The following SYNJ2 variants were observed in gnomAD, a reference collection of about 807,000 sequenced individuals.
SYNJ2 encodes the protein polyphosphatidylinositol phosphatase SYNJ2.
SYNJ2 carries 116 observed loss-of-function variants against 141.3 expected under a neutral mutation model. That is an observed-to-expected ratio of 0.82 (90% CI 0.71 to 0.96). SYNJ2 has a LOEUF of 0.96. SYNJ2 is among the 40% of genes least tolerant of loss of function. SYNJ2 has a pLI of 0.00. For synonymous variants in SYNJ2, 745 were observed against 777.7 expected, an observed-to-expected ratio of 0.96 and a Z score of 0.70; for missense variants, 1,873 against 1,934.8, an observed-to-expected ratio of 0.97 and a Z score of 0.60.
intron 5 of SYNJ2, 81 bp from the exon 6 acceptor site, chr6:158,054,886 A>C: frequency 6.8e-6 from 10 of 1,471,436 alleles, no homozygotes; most frequent in Non-Finnish European, 1.9e-6. Flanking sequence ...GGCTGGGAGT[A>C]AGAAGGAGAA....
rs758468690 is a variant in SYNJ2 at position 158,074,659 on chromosome 6, T to C, written c.2213T>C (p.Val738Ala). 4.3e-6 allele frequency: 7 copies of C among 1,613,994 alleles called. No individual in the cohort carries two copies. The highest frequency in any genetic ancestry group is 1.3e-5 in the African/African-American group (1 of 74,920). ...CGCATTGATCTTACTTATGAAGAAG[T>C]CTTCTATTTTGTTAAACGCCAAGAC... The part of the protein sequence containing the change: ...NYRIDLTYEE[V>A]FYFVKRQDWK... Residue 738 changes from valine to alanine, a missense_variant, in exon 16 of 27, where the codon GTC (valine) becomes GCC (alanine). Transcript: ENST00000355585.
intron 1 of SYNJ2, among the ~76,000 whole-genome samples, chr6:158,009,456 C>T (rs141631049): frequency 6.6e-6 from 1 of 152,272 alleles, no homozygotes; most frequent in East Asian, 1.9e-4. Flanking sequence ...TGGAAGGGTG[C>T]CAGCCACAGA....
chr6:158,095,857 T>G lies in SYNJ2; in HGVS notation c.3984T>G (p.Leu1328=). The change falls in exon 27 of 27, where the codon CTT becomes CTG. Residue 1328 remains leucine, a synonymous_variant. Transcript: ENST00000355585. The part of the protein sequence containing the change: ...SVPPPLEAPP[L]VPKVPPRRKK... Reference sequence around the variant, plus strand: ...CACCACCTCTGGAGGCGCCGCCTCTTGTGCCCAAGGTACCCCCGAGGAGGA... The same window carrying G: ...CACCACCTCTGGAGGCGCCGCCTCTGGTGCCCAAGGTACCCCCGAGGAGGA... The G allele has an allele frequency of 6.2e-7, 1 of 1,614,124 alleles. No homozygotes were observed. The highest frequency in any genetic ancestry group is 1.1e-5 in the South Asian group (1 of 91,078).
At position 158,084,102 on chromosome 6, in the gene SYNJ2, G is replaced by A. The variant is rs61756208; in HGVS notation, c.3136G>A (p.Gly1046Ser). The stretch of plus-strand genomic sequence containing the variant: ...GGGAGACGACCTCTCTGATGTCCCC[G>A]GCCCCACAGCACTGGCTCCTCCCAG... ...LGGDDLSDVP[G>S]PTALAPPSKS... is the part of the protein sequence containing the mutation. The change falls in exon 22 of 27, where the codon GGC becomes AGC. Residue 1046 changes from glycine to serine, a missense_variant. Physicochemically the swap from Gly to Ser is moderately conservative, Grantham distance 56. Transcript: ENST00000355585. The surrounding 1 kb of genome is among the most constrained non-coding windows in gnomAD (Gnocchi z 5.0). The A allele has an allele frequency of 2.3e-5, 37 of 1,613,986 alleles. No individual in the cohort carries two copies. Among genetic ancestry groups the A allele is most frequent in the Non-Finnish European group, 3.0e-5 (35 of 1,180,008 alleles).
intron 5 of SYNJ2, among the ~76,000 whole-genome samples, chr6:158,053,997 T>C (rs116980484): frequency 0.018 from 2,472 of 138,954 alleles, 28 homozygotes; most frequent in Non-Finnish European, 0.027. Flanking sequence ...CATTCACCCA[T>C]CCATCTATCC....
intron 3 of SYNJ2, among the ~76,000 whole-genome samples, chr6:158,031,116 C>G (rs779423611): frequency 9.9e-5 from 15 of 152,134 alleles, no homozygotes; most frequent in Admixed American, 5.2e-4. Flanking sequence ...GCATGTGCCC[C>G]GCGAGCTGTT....
rs973738610 is a variant in SYNJ2 at position 158,098,839 on chromosome 6, G to A, written c.*2475G>A. 6.6e-6 allele frequency: 1 copy of A among 152,172 alleles called. No individual in the cohort carries two copies. Among genetic ancestry groups the A allele is most frequent in the African/African-American group, 2.4e-5 (1 of 41,438 alleles). The allele number at this position is 152,172 out of a possible 1,614,324, so 9.4% of individuals were successfully genotyped here. A position where few individuals can be genotyped will look rare whatever the true frequency, so the allele number is the denominator to read the frequency against. On this transcript the variant is annotated 3_prime_UTR_variant, in exon 27 of 27. Coordinates refer to ENST00000355585, the MANE Select transcript of SYNJ2 (RefSeq NM_003898.4). ...CATTGTCTCTCTGACCCCAAGCCTA[G>A]TCCCTTTTACATCACCATCTTCTCA...
chr6:157,981,766 C>T, upstream of SYNJ2: 1 of 423,588 alleles, frequency 2.4e-6, no homozygotes, highest in East Asian at 4.3e-5. This position sits in a 1 kb window ranked among gnomAD's most constrained non-coding sequence, Gnocchi z 6.4. Flanking sequence ...GCGGCGCGCC[C>T]TCACCTGCCC....
intron 1 of SYNJ2, among the ~76,000 whole-genome samples, chr6:157,986,338 C>G (rs568260683): frequency 6.6e-6 from 1 of 152,092 alleles, no homozygotes; most frequent in African/African-American, 2.4e-5. Flanking sequence ...GCTTCTCCCG[C>G]GGGTTTTGTT....
chr6:157,999,881 G>A (rs561752112), intron 1 of SYNJ2, among the ~76,000 whole-genome samples: 26 of 152,230 alleles, frequency 1.7e-4, no homozygotes, highest in African/African-American at 5.1e-4. Flanking sequence ...GTGCAGCTCC[G>A]GTTAGTGGAT....
chr6:158,006,636 T>TATTGC (rs1157863889), intron 1 of SYNJ2, among the ~76,000 whole-genome samples: 2 of 152,212 alleles, frequency 1.3e-5, no homozygotes, highest in Non-Finnish European at 2.9e-5. Flanking sequence ...TATTTTATTT[T>TATTGC]ATTGCTGGGA....
intron 5 of SYNJ2, 57 bp from the exon 6 acceptor site, chr6:158,054,910 G>T: frequency 1.3e-6 from 2 of 1,582,694 alleles, no homozygotes; most frequent in African/African-American, 1.3e-5. Context: ...GAAAAACCAT[G>T]GCCTCCTTGG....
At position 158,084,256 on chromosome 6, in the gene SYNJ2, G is replaced by A; in HGVS notation, c.3208+82G>A. ...CTTTCCTTTTTCTCTTGGCGATTGGGCACTGTGTGATATCAAGTATGCAGG... is the reference window on the plus strand; with the variant it reads ...CTTTCCTTTTTCTCTTGGCGATTGGACACTGTGTGATATCAAGTATGCAGG... On this transcript the variant is annotated intron_variant, in intron 22 of 26. Coordinates refer to ENST00000355585, the MANE Select transcript of SYNJ2 (RefSeq NM_003898.4). This position sits in a 1 kb window ranked among gnomAD's most constrained non-coding sequence, Gnocchi z 5.0. The A allele has an allele frequency of 6.8e-7, 1 of 1,469,670 alleles. No individual in the cohort carries two copies. The highest frequency in any genetic ancestry group is 1.3e-5 in the South Asian group (1 of 79,350). 91.0% of individuals were successfully genotyped at this position (1,469,670 alleles called of 1,614,324 possible). A position where few individuals can be genotyped will look rare whatever the true frequency, so the allele number is the denominator to read the frequency against.
In SYNJ2 at chr6:158,064,676, G is replaced by A. The variant is rs1200310744; in HGVS notation, c.1285G>A (p.Ala429Thr). The change falls in exon 10 of 27, where the codon GCC becomes ACC. Residue 429 changes from alanine to threonine, a missense_variant. By Grantham distance (58) the Ala-to-Thr change is moderately conservative (BLOSUM62 0). Coordinates refer to ENST00000355585, the MANE Select transcript of SYNJ2 (RefSeq NM_003898.4). ...TGACCGCTTTGTGGAGTCCTTCAAA[G>A]CCATGTGGTCTCTGAATGGCCACAG... ...IVDRFVESFK[A>T]MWSLNGHSLS... The A allele has an allele frequency of 6.2e-7, 1 of 1,614,116 alleles. No individual in the cohort carries two copies.
intron 1 of SYNJ2, among the ~76,000 whole-genome samples, chr6:157,991,445 G>C (rs1777420819): frequency 6.6e-6 from 1 of 152,172 alleles, no homozygotes; most frequent in South Asian, 2.1e-4. Flanking sequence ...TGAGTACCAG[G>C]ATCTCGCATC....
At chr6:158,090,447 TA>T (rs1562408555) in intron 25 of SYNJ2, among the ~76,000 whole-genome samples, 1 of 152,090 alleles carries the variant, frequency 6.6e-6, no homozygotes, top group African/African-American at 2.4e-5. Flanking sequence ...ACTTCATTCA[TA>T]ATCACTGGTA....
intron 18 of SYNJ2, chr6:158,079,015 A>C (rs1782506363): frequency 6.6e-6 from 1 of 152,184 alleles, no homozygotes; most frequent in South Asian, 2.1e-4. Flanking sequence ...GGCTGGTCCC[A>C]AACTCCTGAC....
At chr6:158,067,001 T>C (rs1781609923) in intron 12 of SYNJ2, among the ~76,000 whole-genome samples, 4 of 152,138 alleles carry the variant, frequency 2.6e-5, no homozygotes, top group Admixed American at 2.6e-4. Context: ...GTTTTGTTTT[T>C]GTTTTTTGTT....
intron 22 of SYNJ2, among the ~76,000 whole-genome samples, chr6:158,085,735 G>A (rs1341303885): frequency 6.6e-6 from 1 of 152,208 alleles, no homozygotes; most frequent in Non-Finnish European, 1.5e-5. Flanking sequence ...GTAGGAGTGG[G>A]GTGGGACCCT....
Sources: allele counts gnomAD v4.1 joint callset (sites outside exome capture counted in the v4.1 genomes callset), GRCh38; gene constraint gnomAD v4.1.1; non-coding constraint Gnocchi (gnomAD v3.1); transcripts MANE v1.5; gene names NCBI Gene and HGNC (gene_info 2026-07-23, HGNC 2026-07-21).